SNX25: variants seen among roughly 807,000 people sequenced by gnomAD.
SNX25 encodes the protein sorting nexin-25.
In SNX25, 62 loss-of-function variants were observed where a neutral mutation model predicts 113.7. The observed-to-expected ratio is 0.55, with a 90% CI of 0.44 to 0.67. The LOEUF is 0.67. Ranked by LOEUF, SNX25 falls within the 30% of genes least tolerant of loss-of-function variation. The pLI, the probability that SNX25 is intolerant of heterozygous loss-of-function variation, is 0.00. For synonymous variants in SNX25, 421 were observed against 436.2 expected (o/e 0.97, Z 0.43); for missense variants, 1,014 against 1,161.0 (o/e 0.87, Z 1.84).
chr4:185,370,774 C>G, downstream of SNX25: 1 of 1,614,044 alleles, frequency 6.2e-7, no homozygotes, highest in Non-Finnish European at 8.5e-7. Context: ...GTGACCTGGG[C>G]GATCATGGGG....
rs190282089 is a variant in SNX25 at position 185,307,655 on chromosome 4, C to T, written c.1163-2980C>T. ...TGCAAACTTCCTCATATCCAATGTCCACCTGCTCTGCCTTCCATGTTACTA... is the reference window on the plus strand; with the variant it reads ...TGCAAACTTCCTCATATCCAATGTCTACCTGCTCTGCCTTCCATGTTACTA... On this transcript the variant is annotated intron_variant, in intron 6 of 18. Coordinates refer to ENST00000652585, the MANE Select transcript of SNX25 (RefSeq NM_001378034.2). Among the ~76,000 whole-genome samples the T allele has an allele frequency of 1.4e-4, 22 of 152,344 alleles. No individual in the cohort carries two copies. In the East Asian group the frequency reaches 2.5e-3, roughly 17 times the overall value.
chr4:185,378,595 A>T, the SNX25 span: 1 of 996,718 alleles, frequency 1.0e-6, no homozygotes, highest in Admixed American at 5.9e-5. Flanking sequence ...CTTGTAACTG[A>T]CACTCATCGG....
Position 185,323,735 on chromosome 4 carries a change from G to A in SNX25, c.1684G>A (p.Glu562Lys). The change falls in exon 9 of 19, where the codon GAG becomes AAG. Residue 562 changes from glutamate (E) to lysine (K), a missense_variant. Glu to Lys is a moderately conservative substitution (Grantham distance 56). Coordinates refer to ENST00000652585, the MANE Select transcript of SNX25 (RefSeq NM_001378034.2). ...TTCATTTATTGTCAGTGACCTGTAT[G>A]AGAAATTGTTGATAAAAGAGGAAGA... ...YPSFIVSDLY[E>K]KLLIKEEEKH... 1.2e-6 allele frequency: 2 copies of A among 1,613,684 alleles called. No individual in the cohort carries two copies. The highest frequency in any genetic ancestry group is 8.5e-7 in the Non-Finnish European group (1 of 1,179,824).
intron 1 of SNX25, among the ~76,000 whole-genome samples, chr4:185,217,011 C>T (rs954893087): frequency 6.6e-5 from 10 of 152,190 alleles, no homozygotes; most frequent in African/African-American, 2.4e-4. Context: ...GTGGAAATGC[C>T]GTGGAGTAGA....
upstream of SNX25, among the ~76,000 whole-genome samples, chr4:185,209,031 G>T (rs925372713): frequency 6.6e-6 from 1 of 152,202 alleles, no homozygotes; most frequent in Non-Finnish European, 1.5e-5. The surrounding 1 kb of genome is among the most constrained non-coding windows in gnomAD (Gnocchi z 5.2). Flanking sequence ...ACCAGAAGTG[G>T]AGCCAAAGTG....
Position 185,310,962 on chromosome 4 carries a change from G to A in SNX25, c.1344+146G>A, listed in dbSNP as rs574769595. 1.4e-5 allele frequency: 11 copies of A among 811,164 alleles called. No homozygotes were observed. In the African/African-American group the frequency reaches 1.6e-4, roughly 12 times the overall value. 50.2% of individuals were successfully genotyped at this position (811,164 alleles called of 1,614,324 possible). A position where few individuals can be genotyped will look rare whatever the true frequency, so the allele number is the denominator to read the frequency against. On this transcript the variant is annotated intron_variant, in intron 7 of 18. Coordinates refer to ENST00000652585, the MANE Select transcript of SNX25 (RefSeq NM_001378034.2). ...ACTGACATTTGCTCTATGAGTCAAG[G>A]AGCTACATTCCTTGGTGTCCTTGAC...
intron 5 of SNX25, among the ~76,000 whole-genome samples, chr4:185,273,467 G>A (rs751044839): frequency 6.6e-5 from 10 of 152,126 alleles, no homozygotes; most frequent in Non-Finnish European, 1.0e-4. Flanking sequence ...TACACATTGT[G>A]GAGTGATTAC....
intron 12 of SNX25, among the ~76,000 whole-genome samples, chr4:185,345,734 T>C (rs1048044380): frequency 6.6e-6 from 1 of 151,818 alleles, no homozygotes; most frequent in Non-Finnish European, 1.5e-5. Flanking sequence ...AAGGCTGCCA[T>C]GAGCCATGAT....
chr4:185,253,337 G>GA (rs1201822457), intron 2 of SNX25, among the ~76,000 whole-genome samples: 1 of 151,952 alleles, frequency 6.6e-6, no homozygotes, highest in Admixed American at 6.6e-5. Context: ...AGAAAACTCC[G>GA]AAAAACAACA....
intron 9 of SNX25, among the ~76,000 whole-genome samples, chr4:185,330,107 G>T (rs1350261926): frequency 3.3e-5 from 5 of 152,202 alleles, no homozygotes; most frequent in African/African-American, 2.4e-5. Flanking sequence ...GGGGCTTCTG[G>T]CTGATTTCAG....
intron 6 of SNX25, among the ~76,000 whole-genome samples, chr4:185,293,351 A>T (rs937541233): frequency 6.6e-6 from 1 of 152,260 alleles, no homozygotes; most frequent in African/African-American, 2.4e-5. Flanking sequence ...AGCATAATTT[A>T]TAACAGGCAA....
intron 1 of SNX25, among the ~76,000 whole-genome samples, chr4:185,212,491 G>GTTTTTGTTTTTTTTTTTT (rs59085661): frequency 9.5e-6 from 1 of 104,944 alleles, no homozygotes; most frequent in African/African-American, 3.7e-5. Flanking sequence ...GTGTGTGTGT[G>GTTTTTGTTTTTTTTTTTT]TTTTTTTTTT....
rs112786796 is a variant in SNX25 at position 185,262,049 on chromosome 4, C to T, written c.732-2389C>T. On this transcript the variant is annotated intron_variant, in intron 3 of 18. Transcript: ENST00000652585. ...CTGCCCCAGGTAAACAGTGCTTTGT[C>T]CTAGAAATCTCCAGTAGTGTGCAGA... Among the ~76,000 whole-genome samples, 1,516 of 152,268 alleles carry T rather than the reference C, an allele frequency of 1.0e-2. 25 individuals are homozygous for T. The highest frequency in any genetic ancestry group is 0.035 in the African/African-American group (1,454 of 41,542).
At chr4:185,284,062 C>CA (rs1163734604) in intron 5 of SNX25, among the ~76,000 whole-genome samples, 2 of 152,140 alleles carry the variant, frequency 1.3e-5, no homozygotes, top group Non-Finnish European at 2.9e-5. Flanking sequence ...TCATTAATAT[C>CA]TATTGAGTGC....
At chr4:185,318,223 T>G (rs1040768593) in intron 7 of SNX25, among the ~76,000 whole-genome samples, 6 of 152,198 alleles carry the variant, frequency 3.9e-5, no homozygotes, top group Admixed American at 2.0e-4. Context: ...TTTCAAAATG[T>G]AAGTTTTTAT....
intron 10 of SNX25, among the ~76,000 whole-genome samples, chr4:185,333,965 C>T (rs1356271160): frequency 6.7e-6 from 1 of 149,432 alleles, no homozygotes; most frequent in African/African-American, 2.5e-5. Context: ...AGGAAGATCT[C>T]TTGAATCTGG....
chr4:185,356,944 G>A (rs1342766726), intron 15 of SNX25, among the ~76,000 whole-genome samples: 1 of 152,170 alleles, frequency 6.6e-6, no homozygotes, highest in Non-Finnish European at 1.5e-5. Flanking sequence ...GTGTCTCTAT[G>A]TTAACAATAA....
intron 1 of SNX25, among the ~76,000 whole-genome samples, chr4:185,235,849 G>C (rs759918041): frequency 3.9e-5 from 6 of 152,228 alleles, no homozygotes; most frequent in Non-Finnish European, 8.8e-5. Flanking sequence ...GCAGACCCTG[G>C]CTGAGCAAGG....
intron 2 of SNX25, 53 bp downstream of exon 2, chr4:185,247,431 C>A: frequency 7.9e-7 from 1 of 1,258,784 alleles, no homozygotes; most frequent in South Asian, 1.2e-5. Flanking sequence ...TCATTATGTT[C>A]TAAGAGGAAA....
Sources: gnomAD v4.1 joint callset for allele counts (sites outside exome capture counted in the v4.1 genomes callset) on GRCh38, gnomAD v4.1.1 for gene constraint, Gnocchi (gnomAD v3.1) non-coding constraint, MANE v1.5 for transcripts, NCBI Gene and HGNC (gene_info 2026-07-23, HGNC 2026-07-21) for gene names.